Variants in MOCOS observed in about 807,000 individuals in gnomAD.
MOCOS encodes molybdenum cofactor sulfurase.
MOCOS carries 86 observed loss-of-function variants against 83.6 expected under a neutral mutation model. That is an observed-to-expected ratio of 1.03 (90% CI 0.86 to 1.23). The LOEUF (loss-of-function observed/expected upper bound fraction) is 1.23. MOCOS is among the 50% of genes most tolerant of loss of function. The pLI is 0.00. For missense variants in MOCOS, 1,120 were observed against 1,126.9 expected (o/e 0.99, Z 0.09); for synonymous variants, 445 against 434.7 (o/e 1.02, Z -0.29).
chr18:36,238,137 G>A (rs1419024521), intron 9 of MOCOS, among the ~76,000 whole-genome samples: 7,864 of 141,596 alleles, frequency 0.056, 638 homozygotes, highest in African/African-American at 0.2. Context: ...ATTTCCTTCA[G>A]TTCTGCTCTG....
chr18:36,253,359 G>T (rs1044678617), intron 11 of MOCOS, among the ~76,000 whole-genome samples: 11 of 152,054 alleles, frequency 7.2e-5, no homozygotes, highest in African/African-American at 2.7e-4. Flanking sequence ...GGTGAGTTTG[G>T]AGCTGCAACT....
intron 9 of MOCOS, among the ~76,000 whole-genome samples, chr18:36,243,445 CA>C (rs2091591423): frequency 6.6e-6 from 1 of 152,168 alleles, no homozygotes; most frequent in Admixed American, 6.5e-5. Context: ...ACCAACTCTG[CA>C]TCACTGGTAT....
At chr18:36,193,268 G>A (rs1402798709) in intron 1 of MOCOS, among the ~76,000 whole-genome samples, 4 of 125,900 alleles carry the variant, frequency 3.2e-5, no homozygotes, top group East Asian at 2.8e-4. Flanking sequence ...CCGAGATTGC[G>A]CCACTGCAGT....
At chr18:36,220,333 T>C in intron 9 of MOCOS, 116 bp downstream of exon 9, 1 of 1,150,326 alleles carries the variant, frequency 8.7e-7, no homozygotes, top group Non-Finnish European at 1.2e-6. Flanking sequence ...CAGTGAGACC[T>C]CATCTCTACA....
chr18:36,228,000 C>A (rs920296821), intron 9 of MOCOS, among the ~76,000 whole-genome samples: 2 of 151,788 alleles, frequency 1.3e-5, no homozygotes, highest in African/African-American at 4.8e-5. Flanking sequence ...AGAAACAACC[C>A]CATAAAAAGT....
intron 13 of MOCOS, among the ~76,000 whole-genome samples, chr18:36,262,930 A>G (rs1598596727): frequency 1.3e-5 from 2 of 152,270 alleles, no homozygotes; most frequent in Middle Eastern, 3.4e-3. Context: ...GCAAAACAGC[A>G]AGACTTTATC....
At chr18:36,247,969 G>T (rs1846468292) in intron 9 of MOCOS, among the ~76,000 whole-genome samples, 1 of 152,154 alleles carries the variant, frequency 6.6e-6, no homozygotes, top group Non-Finnish European at 1.5e-5. Context: ...TAAATACCCA[G>T]AAGTGGGATT....
intron 6 of MOCOS, among the ~76,000 whole-genome samples, chr18:36,210,711 C>T (rs531763258): frequency 4.0e-5 from 6 of 151,328 alleles, no homozygotes; most frequent in South Asian, 2.1e-4. Flanking sequence ...ATTAGCTGGG[C>T]GTGGTGGCAC....
intron 6 of MOCOS, among the ~76,000 whole-genome samples, chr18:36,207,243 G>A (rs901039596): frequency 6.6e-6 from 1 of 152,144 alleles, no homozygotes; most frequent in African/African-American, 2.4e-5. Flanking sequence ...CACCATGTTG[G>A]TCAGGCTGGT....
chr18:36,243,914 A>T (rs1339538565), intron 9 of MOCOS, among the ~76,000 whole-genome samples: 1 of 152,118 alleles, frequency 6.6e-6, no homozygotes, highest in Non-Finnish European at 1.5e-5. Flanking sequence ...AAAGGTGTTC[A>T]TAGTTGCCTT....
At chr18:36,258,177 G>C (rs1234385617) in intron 12 of MOCOS, among the ~76,000 whole-genome samples, 1 of 152,090 alleles carries the variant, frequency 6.6e-6, no homozygotes, top group South Asian at 2.1e-4. Context: ...GAGGCTTGCT[G>C]TCACCCCAGT....
intron 5 of MOCOS, 77 bp from the exon 6 acceptor site, chr18:36,204,996 CAAAA>C (rs10685658): frequency 4.8e-4 from 206 of 425,264 alleles, no homozygotes; most frequent in Middle Eastern, 2.3e-3. Context: ...GACCGTGTCT[CAAAA>C]AAAAAAAAAA....
chr18:36,269,179 C>A lies in MOCOS; in HGVS notation c.*494C>A, dbSNP rs2091691528. The A allele has an allele frequency of 6.1e-6, 1 of 163,502 alleles. No homozygotes were observed. The highest frequency in any genetic ancestry group is 2.4e-5 in the African/African-American group (1 of 41,504). The allele number at this position is 163,502 out of a possible 1,614,324, so 10.1% of individuals were successfully genotyped here. On this transcript the variant is annotated 3_prime_UTR_variant, in exon 15 of 15. Transcript: ENST00000261326. Reference sequence around the variant, plus strand: ...GATGGTGTGGGTTTATGCTCAGGGGCCCAGAGGGTAACTTGTGACCACATT... The same window carrying A: ...GATGGTGTGGGTTTATGCTCAGGGGACCAGAGGGTAACTTGTGACCACATT...
intron 9 of MOCOS, among the ~76,000 whole-genome samples, chr18:36,238,058 A>G (rs2091566282): frequency 1.3e-5 from 2 of 150,406 alleles, no homozygotes; most frequent in South Asian, 4.2e-4. Context: ...TGGTCTATCA[A>G]TTTTGTTGAT....
intron 8 of MOCOS, among the ~76,000 whole-genome samples, chr18:36,217,023 TG>T (rs2144918472): frequency 6.6e-6 from 1 of 152,250 alleles, no homozygotes; most frequent in Non-Finnish European, 1.5e-5. Context: ...ATATCATGGT[TG>T]TGAAAGACAA....
At chr18:36,195,989 G>T (rs143276385) in intron 2 of MOCOS, among the ~76,000 whole-genome samples, 52 of 152,256 alleles carry the variant, frequency 3.4e-4, no homozygotes, top group African/African-American at 1.2e-3. Flanking sequence ...TCAGACAAGA[G>T]GGGGAGAAGT....
chr18:36,210,849 T>A (rs1298780591), intron 6 of MOCOS, among the ~76,000 whole-genome samples: 2 of 9,376 alleles, frequency 2.1e-4, no homozygotes, highest in East Asian at 4.1e-3. Context: ...AGACTCTGTC[T>A]CAAAAAAAAA....
Position 36,256,985 on chromosome 18 carries a change from A to G in MOCOS, c.2182A>G (p.Met728Val). 6.2e-7 allele frequency: 1 copy of G among 1,614,110 alleles called. No individual in the cohort carries two copies. The highest frequency in any genetic ancestry group is 8.5e-7 in the Non-Finnish European group (1 of 1,179,944). The stretch of plus-strand genomic sequence containing the variant: ...ATTTTCAGATCAACTTCCTGGTACA[A>G]TGGCCACCCTTTCTCTGGTGAATGA... ...KHGKDQLPGT[M>V]ATLSLVNEAQ... The change falls in exon 12 of 15, where the codon ATG (methionine) becomes GTG (valine). Residue 728 changes from methionine to valine, a missense_variant. By Grantham distance (21) the Met-to-Val change is conservative. Coordinates refer to ENST00000261326, the MANE Select transcript of MOCOS (RefSeq NM_017947.4).
intron 5 of MOCOS, among the ~76,000 whole-genome samples, chr18:36,203,801 G>C (rs544006714): frequency 4.6e-4 from 70 of 152,356 alleles, no homozygotes; most frequent in African/African-American, 1.7e-3. Flanking sequence ...GGGCAGACAG[G>C]ATTCACGGGA....
Sources: allele counts gnomAD v4.1 joint callset (sites outside exome capture counted in the v4.1 genomes callset), GRCh38; gene constraint gnomAD v4.1.1; transcripts MANE v1.5; gene names NCBI Gene and HGNC (gene_info 2026-07-23, HGNC 2026-07-21).